The following COL6A1 variants were observed in gnomAD, a reference collection of about 807,000 sequenced individuals.
COL6A1 encodes the protein collagen alpha-1(VI) chain.
A neutral mutation model predicts 145.6 loss-of-function variants in COL6A1; 80 were observed. The observed-to-expected ratio is 0.55, with a 90% CI of 0.46 to 0.66. The LOEUF is 0.66. COL6A1 is among the 30% of genes least tolerant of loss of function. The pLI is 0.00. For synonymous variants in COL6A1, 638 were observed against 622.8 expected (o/e 1.02, Z -0.36); for missense variants, 1,364 against 1,473.8 (o/e 0.93, Z 1.22).
At position 46,002,650 on chromosome 21, in the gene COL6A1, A is replaced by T. The variant is rs1250610621; in HGVS notation, c.2374A>T (p.Asn792Tyr). The T allele has an allele frequency of 1.9e-6, 3 of 1,613,724 alleles. No individual in the cohort carries two copies. The highest frequency in any genetic ancestry group is 2.5e-6 in the Non-Finnish European group (3 of 1,179,968). ...GRPGLSLVKENYAELLEDAFL... is the reference protein window; with the variant it reads ...GRPGLSLVKEYYAELLEDAFL... Reference sequence around the variant, plus strand: ...GCCCGGCCTCTCGCTGGTCAAGGAGAACTATGCAGAGCTGCTGGAGGATGC... The same window carrying T: ...GCCCGGCCTCTCGCTGGTCAAGGAGTACTATGCAGAGCTGCTGGAGGATGC... Residue 792 changes from asparagine to tyrosine, a missense_variant, in exon 33 of 35, where the codon AAC becomes TAC. Asn to Tyr is a moderately radical substitution (Grantham distance 143). This residue lies in a region of COL6A1 where 938 missense variants were observed against 1,003.8 expected (regional missense o/e 0.93). Transcript: ENST00000361866.
At position 45,986,342 on chromosome 21, in the gene COL6A1, A is replaced by C. The variant is rs9983909; in HGVS notation, c.429-184A>C. 6.1e-3 allele frequency among the ~76,000 whole-genome samples: 933 copies of C among 152,284 alleles called. 13 individuals carry two copies. Among genetic ancestry groups the C allele is most frequent in the African/African-American group, 0.021 (882 of 41,548 alleles). On this transcript the variant is annotated intron_variant, in intron 3 of 34. Transcript: ENST00000361866. The stretch of plus-strand genomic sequence containing the variant: ...TTTTCCAAAGCAGTTTAGAGAAATG[A>C]GACCCACAGGCGTTATTTCCCATGG...
rs2077795964 is a variant in COL6A1, at chr21:45,994,819, G to A, written c.1398+590G>A. On this transcript the variant is annotated intron_variant, in intron 20 of 34. Coordinates refer to ENST00000361866, the MANE Select transcript of COL6A1 (RefSeq NM_001848.3). This position sits in a 1 kb window ranked among gnomAD's most constrained non-coding sequence, Gnocchi z 6.8. ...GTGGTGTTGCCCGCAGGCTGGGCTG[G>A]GCCGTTGCATCCTCCCGGAGCTCAC... Among the ~76,000 whole-genome samples the A allele has an allele frequency of 6.6e-6, 1 of 152,222 alleles. No individual in the cohort carries two copies. The highest frequency in any genetic ancestry group is 2.1e-4 in the South Asian group (1 of 4,824).
At position 45,982,652 on chromosome 21, in the gene COL6A1, T is replaced by G. The variant is rs2077714599; in HGVS notation, c.116T>G (p.Phe39Cys). ...CGGCCAGACTGCCCCGTGGACCTGT[T>G]CTTTGTGCTGGACACCTCTGAGAGC... The part of the protein sequence containing the change: ...VAFQDCPVDL[F>C]FVLDTSESVA... The change falls in exon 2 of 35, where the codon TTC (phenylalanine) becomes TGC (cysteine). Residue 39 changes from phenylalanine to cysteine, a missense_variant. Physicochemically the swap from Phe to Cys is radical, Grantham distance 205. Around this residue, in one of 3 missense-constraint regions of COL6A1, gnomAD observed 414 missense variants for 437.6 expected, o/e 0.95. Transcript: ENST00000361866. The G allele has an allele frequency of 1.2e-6, 2 of 1,612,764 alleles. No homozygotes were observed. Among genetic ancestry groups the G allele is most frequent in the Admixed American group, 1.7e-5 (1 of 60,008 alleles).
chr21:45,999,881 G>GTGAGGATCATAGAGGGGACA (rs1569518864), intron 27 of COL6A1, among the ~76,000 whole-genome samples, 189 bp downstream of exon 27: 16 of 116,454 alleles, frequency 1.4e-4, no homozygotes, highest in Non-Finnish European at 2.2e-4. Flanking sequence ...ATAGGGGGAT[G>GTGAGGATCATAGAGGGGACA]TGTGAGGACC....
intron 10 of COL6A1, 50 bp downstream of exon 10, chr21:45,989,702 G>C (rs769673601): frequency 1.2e-6 from 2 of 1,612,960 alleles, no homozygotes; most frequent in Non-Finnish European, 1.7e-6. Context: ...CCTCAGCCTT[G>C]CACAGCACTA....
At position 45,982,641 on chromosome 21, in the gene COL6A1, C is replaced by G. The variant is rs145579577; in HGVS notation, c.105C>G (p.Pro35=). 3,069 of 1,612,850 alleles carry G rather than the reference C, an allele frequency of 1.9e-3. 7 individuals carry two copies. The highest frequency in any genetic ancestry group is 2.3e-3 in the Non-Finnish European group (2,693 of 1,179,952). ...TCCTCCATCTTCGGCCAGACTGCCC[C>G]GTGGACCTGTTCTTTGTGCTGGACA... The part of the protein sequence containing the change: ...TPRAVAFQDC[P]VDLFFVLDTS... Residue 35 remains proline (P), a synonymous_variant, in exon 2 of 35, where the codon CCC becomes CCG. Coordinates refer to ENST00000361866, the MANE Select transcript of COL6A1 (RefSeq NM_001848.3).
intron 29 of COL6A1, 120 bp from the exon 30 acceptor site, chr21:46,001,133 G>C: frequency 7.2e-7 from 1 of 1,396,268 alleles, no homozygotes; most frequent in Non-Finnish European, 9.8e-7. Flanking sequence ...GCTGAGACGG[G>C]GGGACCCCAA....
chr21:45,999,340 A>T, intron 26 of COL6A1, 122 bp downstream of exon 26: 1 of 1,042,478 alleles, frequency 9.6e-7, no homozygotes, highest in Admixed American at 2.0e-5. Context: ...TTTGGGGAGC[A>T]CGTCATCTGG....
chr21:46,004,313 T>TGGGGCTCA lies in COL6A1; in HGVS notation c.*302_*309dup. On this transcript the variant is annotated 3_prime_UTR_variant, in exon 35 of 35. Coordinates refer to ENST00000361866, the MANE Select transcript of COL6A1 (RefSeq NM_001848.3). The stretch of plus-strand genomic sequence containing the variant: ...CTGGCGTCACCTGTGCAGGGCCCTC[T>TGGGGCTCA]GGGGCTCAGCCCTGAGCTGGCCTCA... The TGGGGCTCA allele has an allele frequency of 2.1e-6, 1 of 485,592 alleles. No homozygotes were observed. The highest frequency in any genetic ancestry group is 5.6e-4 in the Middle Eastern group (1 of 1,784). 30.1% of individuals were successfully genotyped at this position (485,592 alleles called of 1,614,324 possible). A position where few individuals can be genotyped will look rare whatever the true frequency, so the allele number is the denominator to read the frequency against.
At position 45,998,172 on chromosome 21, in the gene COL6A1, G is replaced by GT. The variant is rs758434455; in HGVS notation, c.1575+2dup. 11 of 1,611,828 alleles carry GT rather than the reference G, an allele frequency of 6.8e-6. No individual in the cohort carries two copies. The highest frequency in any genetic ancestry group is 9.3e-6 in the Non-Finnish European group (11 of 1,179,530). On this transcript the variant is annotated splice_donor_variant, in intron 23 of 34. Coordinates refer to ENST00000361866, the MANE Select transcript of COL6A1 (RefSeq NM_001848.3). LOFTEE classifies it high-confidence loss of function. ...CACCGAGGGCTTCCCCGGCTTCCCCGTAAGTGTCCGGAGGCTGAGCCCACA... is the reference window on the plus strand; with the variant it reads ...CACCGAGGGCTTCCCCGGCTTCCCCGTTAAGTGTCCGGAGGCTGAGCCCACA...
At position 45,986,692 on chromosome 21, in the gene COL6A1, A is replaced by G. The variant is rs1426692159; in HGVS notation, c.588+7A>G. On this transcript the variant is annotated splice_region_variant and intron_variant, in intron 4 of 34. Transcript: ENST00000361866. ...CATCACACCCGACCACCTGGTAGGC[A>G]CCGGCCCCCCCCGGCAGATGCCCCC... 14 of 1,542,540 alleles carry G rather than the reference A, an allele frequency of 9.1e-6. No homozygotes were observed. Among genetic ancestry groups the G allele is most frequent in the Non-Finnish European group, 1.2e-5 (14 of 1,146,866 alleles).
Position 45,988,343 on chromosome 21 carries a change from GGACGGCGGGAGTCCA to G in COL6A1, c.804+692_804+706del. Among the ~76,000 whole-genome samples the G allele has an allele frequency of 3.4e-4, 15 of 43,732 alleles. 4 individuals carry two copies. Among genetic ancestry groups the G allele is most frequent in the Non-Finnish European group, 6.3e-4 (11 of 17,476 alleles). The allele number at this position is 43,732 out of a possible 152,430, so 28.7% of individuals were successfully genotyped here. A position where few individuals can be genotyped will look rare whatever the true frequency, so the allele number is the denominator to read the frequency against. ...GGGGACGGCGGGGTCCAGATGGAGG[GGACGGCGGGAGTCCA>G]GATGGAGGGGACGGCGTGGTCCAGA... On this transcript the variant is annotated intron_variant, in intron 8 of 34. Coordinates refer to ENST00000361866, the MANE Select transcript of COL6A1 (RefSeq NM_001848.3).
In COL6A1 at chr21:45,989,784, TG is replaced by T; in HGVS notation, c.930+7del. ...AAGGGAGCCGTGGGGAGAAGGTGAG[TG>T]AGGCTCGACCTCGGAGCTGGTCTCT... is the stretch of plus-strand genomic sequence containing the variant. On this transcript the variant is annotated splice_region_variant and intron_variant, in intron 11 of 34. Coordinates refer to ENST00000361866, the MANE Select transcript of COL6A1 (RefSeq NM_001848.3). 1 of 1,612,598 alleles carries T rather than the reference TG, an allele frequency of 6.2e-7. No individual in the cohort carries two copies.
At chr21:45,989,220 C>T in intron 9 of COL6A1, 83 bp downstream of exon 9, 1 of 1,449,294 alleles carries the variant, frequency 6.9e-7, no homozygotes, top group African/African-American at 1.4e-5. Flanking sequence ...GGAAGAGTGG[C>T]TGGGTTCTGA....
intron 8 of COL6A1, 47 bp downstream of exon 8, chr21:45,987,701 T>C: frequency 6.3e-7 from 1 of 1,575,260 alleles, no homozygotes. Context: ...GGCCTGGGAG[T>C]GGGGGTGGCA....
chr21:45,988,407 TGGAGGGGAC>T (rs2077754900), intron 8 of COL6A1, among the ~76,000 whole-genome samples: 1 of 59,780 alleles, frequency 1.7e-5, no homozygotes, highest in African/African-American at 6.4e-5. Flanking sequence ...GGGGTCCAGA[TGGAGGGGAC>T]GTCGGGGCTC....
chr21:46,003,658 A>G lies in COL6A1; in HGVS notation c.2732A>G (p.Asn911Ser). ...GCCGTCGATGCCATGGACTTTATCA[A>G]CGACGCCACCGACGTCAACGATGCC... ...ASAVDAMDFI[N>S]DATDVNDALG... Residue 911 changes from asparagine (N) to serine (S), a missense_variant, in exon 35 of 35, where the codon AAC (asparagine) becomes AGC (serine). Asn to Ser is a conservative substitution (Grantham distance 46, BLOSUM62 1). This residue lies in a region of COL6A1 where 938 missense variants were observed against 1,003.8 expected (regional missense o/e 0.93). Transcript: ENST00000361866. 1.2e-6 allele frequency: 2 copies of G among 1,613,046 alleles called. No homozygotes were observed. Among genetic ancestry groups the G allele is most frequent in the Non-Finnish European group, 1.7e-6 (2 of 1,179,926 alleles).
At chr21:45,993,362 TGGATGTG>T (rs2077787368) in intron 19 of COL6A1, among the ~76,000 whole-genome samples, 1 of 152,196 alleles carries the variant, frequency 6.6e-6, no homozygotes, top group Non-Finnish European at 1.5e-5. Context: ...AAATCTGTGC[TGGATGTG>T]GGGCGGGGCA....
Position 46,003,689 on chromosome 21 carries a change from CTA to C in COL6A1, c.2765_2766del (p.Tyr922CysfsTer58). On this transcript the variant is annotated frameshift_variant, in exon 35 of 35. Transcript: ENST00000361866. LOFTEE classifies it high-confidence loss of function. ...CCACCGACGTCAACGATGCCCTGGGCTATGTGACCCGCTTCTACCGCGAGGCC... is the reference window on the plus strand; with the variant it reads ...CCACCGACGTCAACGATGCCCTGGGCTGTGACCCGCTTCTACCGCGAGGCC... The part of the protein sequence containing the change: ...DATDVNDALG[Y>X]VTRFYREASS... 1.2e-6 allele frequency: 2 copies of C among 1,613,092 alleles called. No homozygotes were observed. Among genetic ancestry groups the C allele is most frequent in the African/African-American group, 1.3e-5 (1 of 75,074 alleles).
Sources: gnomAD v4.1 joint callset for allele counts (sites outside exome capture counted in the v4.1 genomes callset) on GRCh38, gnomAD v4.1.1 for gene constraint, gnomAD v4.1.1 regional missense constraint, Gnocchi (gnomAD v3.1) non-coding constraint, MANE v1.5 for transcripts, NCBI Gene and HGNC (gene_info 2026-07-23, HGNC 2026-07-21) for gene names.